CECR2: variants seen among roughly 807,000 people sequenced by gnomAD.
CECR2 encodes the protein CECR2 histone acetyl-lysine reader.
Under a neutral mutation model 154.5 loss-of-function variants are expected in CECR2, and 30 were observed. That is an observed-to-expected ratio of 0.19 (90% CI 0.15 to 0.26). CECR2 has a LOEUF of 0.26. CECR2 is among the 10% of genes least tolerant of loss of function. The probability of loss-of-function intolerance (pLI) is 1.00; values close to 1 mark genes in which losing one functional copy is unlikely to be tolerated. For synonymous variants in CECR2, 725 were observed against 683.7 expected (o/e 1.06, Z -0.94); for missense variants, 1,743 against 1,829.3 (o/e 0.95, Z 0.86).
rs5747118 is a variant in CECR2, at chr22:17,422,855, T to A, written c.126+52946T>A. ...CCATGCTTTGCTCTCTGGCACTTCT[T>A]TTCATTTTTTCTTAGAATTCCTATC... On this transcript the variant is annotated intron_variant, in intron 1 of 18. Coordinates refer to ENST00000262608, the MANE Select transcript of CECR2 (RefSeq NM_001290047.2). Among the ~76,000 whole-genome samples, 13 of 152,270 alleles carry A rather than the reference T, an allele frequency of 8.5e-5. No individual in the cohort carries two copies. The East Asian group carries it at 2.3e-3, about 27-fold the overall frequency.
At chr22:17,447,568 A>G (rs933516794) in intron 1 of CECR2, among the ~76,000 whole-genome samples, 2 of 151,972 alleles carry the variant, frequency 1.3e-5, no homozygotes, top group Non-Finnish European at 2.9e-5. Context: ...TCATTCATAA[A>G]TAGTAATTAA....
At chr22:17,487,870 GTATTTATT>G (rs112338023) in intron 2 of CECR2, among the ~76,000 whole-genome samples, 3,605 of 150,758 alleles carry the variant, frequency 0.024, 158 homozygotes, top group African/African-American at 0.084. Context: ...AATTTTTCAT[GTATTTATT>G]TATTTATTTA....
upstream of CECR2, among the ~76,000 whole-genome samples, chr22:17,367,631 C>T (rs572804333): frequency 6.6e-6 from 1 of 152,306 alleles, no homozygotes; most frequent in Admixed American, 6.5e-5. Flanking sequence ...AGGTGAACCA[C>T]CCGCCTCGGC....
At chr22:17,384,809 C>T (rs2063239888) in intron 1 of CECR2, among the ~76,000 whole-genome samples, 1 of 152,210 alleles carries the variant, frequency 6.6e-6, no homozygotes, top group African/African-American at 2.4e-5. Context: ...GCATTGACTT[C>T]TCCTCTCTAG....
intron 1 of CECR2, among the ~76,000 whole-genome samples, chr22:17,370,119 C>T (rs1434784104): frequency 4.6e-5 from 7 of 150,858 alleles, no homozygotes; most frequent in Admixed American, 4.6e-4. Flanking sequence ...GCCGGGGACG[C>T]CGGATCCTGG....
chr22:17,421,090 A>AT (rs112141868), intron 1 of CECR2, among the ~76,000 whole-genome samples: 23 of 150,914 alleles, frequency 1.5e-4, no homozygotes, highest in African/African-American at 3.2e-4. Flanking sequence ...TTAGCTAAGA[A>AT]TTTTTTTTTT....
At chr22:17,471,684 C>T (rs1040899081) in intron 1 of CECR2, among the ~76,000 whole-genome samples, 4 of 151,884 alleles carry the variant, frequency 2.6e-5, no homozygotes, top group East Asian at 1.9e-4. Flanking sequence ...TACAGGCACC[C>T]GCCACCACTC....
rs1271539271 is a variant in CECR2 at position 17,530,405 on chromosome 22, G to A, written c.1108+6134G>A. Among the ~76,000 whole-genome samples the A allele has an allele frequency of 2.6e-5, 4 of 151,982 alleles. No homozygotes were observed. The East Asian group carries it at 7.7e-4, about 29-fold the overall frequency. On this transcript the variant is annotated intron_variant, in intron 9 of 18. Coordinates refer to ENST00000262608, the MANE Select transcript of CECR2 (RefSeq NM_001290047.2). ...AAAAAAAAATAAGGCCAGGCGCGGT[G>A]GCTCACGCCTGTAATCCCAGCACTT...
chr22:17,418,539 T>C (rs1457078727), intron 1 of CECR2, among the ~76,000 whole-genome samples: 1 of 152,208 alleles, frequency 6.6e-6, no homozygotes, highest in Non-Finnish European at 1.5e-5. Context: ...GTTTCTGTTA[T>C]AATTAGCTGT....
intron 17 of CECR2, among the ~76,000 whole-genome samples, chr22:17,550,910 C>T (rs1401570062): frequency 6.6e-6 from 1 of 152,058 alleles, no homozygotes; most frequent in African/African-American, 2.4e-5. Flanking sequence ...CCACTGCACT[C>T]CAGCCTGGGC....
In CECR2 at chr22:17,542,952, C is replaced by T. The variant is rs2056554104; in HGVS notation, c.2809C>T (p.Pro937Ser). ...VSAPKPALGN[P>S]GRAPENSEAQ... ...AGCCCCCAAGCCTGCCCTGGGCAACCCTGGGAGGGCACCGGAGAACAGTGA... is the reference window on the plus strand; with the variant it reads ...AGCCCCCAAGCCTGCCCTGGGCAACTCTGGGAGGGCACCGGAGAACAGTGA... Residue 937 changes from proline (P) to serine (S), a missense_variant, in exon 16 of 19, where the codon CCT becomes TCT. Physicochemically the swap from Pro to Ser is moderately conservative, Grantham distance 74. Coordinates refer to ENST00000262608, the MANE Select transcript of CECR2 (RefSeq NM_001290047.2). 3 of 1,613,434 alleles carry T rather than the reference C, an allele frequency of 1.9e-6. No homozygotes were observed. The highest frequency in any genetic ancestry group is 3.3e-5 in the Admixed American group (2 of 59,956).
At position 17,387,720 on chromosome 22, in the gene CECR2, T is replaced by C. The variant is rs528535111; in HGVS notation, c.126+17811T>C. On this transcript the variant is annotated intron_variant, in intron 1 of 18. Transcript: ENST00000262608. ...CTGTTGACAGTGTTATATAACAGAATGCCCTTTCAATCACAGCACGCCATG... is the reference window on the plus strand; with the variant it reads ...CTGTTGACAGTGTTATATAACAGAACGCCCTTTCAATCACAGCACGCCATG... Among the ~76,000 whole-genome samples the C allele has an allele frequency of 2.6e-5, 4 of 152,358 alleles. No individual in the cohort carries two copies. In the East Asian group the frequency reaches 7.7e-4, roughly 29 times the overall value.
chr22:17,395,552 C>T (rs1211314997), intron 1 of CECR2, among the ~76,000 whole-genome samples: 1 of 152,082 alleles, frequency 6.6e-6, no homozygotes, highest in Non-Finnish European at 1.5e-5. Flanking sequence ...ACCATCTTGG[C>T]CAGGCTGGTT....
chr22:17,412,031 A>G (rs7289964), intron 1 of CECR2, among the ~76,000 whole-genome samples: 8,816 of 152,264 alleles, frequency 0.058, 395 homozygotes, highest in African/African-American at 0.12. Flanking sequence ...AAGTGTATAC[A>G]TGACTCTTTC....
At chr22:17,552,359 C>T (rs1249121690) in intron 18 of CECR2, among the ~76,000 whole-genome samples, 1 of 152,064 alleles carries the variant, frequency 6.6e-6, no homozygotes, top group Non-Finnish European at 1.5e-5. Context: ...GGAATGCATA[C>T]CTATTTGGTG....
chr22:17,533,569 A>G (rs1025619768), intron 9 of CECR2, among the ~76,000 whole-genome samples: 4 of 151,002 alleles, frequency 2.6e-5, no homozygotes, highest in African/African-American at 7.3e-5. Context: ...GGCAGAGGCT[A>G]CAGTGACCTG....
chr22:17,469,156 C>T (rs1390633674), intron 1 of CECR2, among the ~76,000 whole-genome samples: 3 of 151,936 alleles, frequency 2.0e-5, no homozygotes, highest in Non-Finnish European at 2.9e-5. Flanking sequence ...ATTCAATCAG[C>T]TCAGCATCTT....
chr22:17,471,656 C>T (rs1352602682), intron 1 of CECR2, among the ~76,000 whole-genome samples: 1 of 152,002 alleles, frequency 6.6e-6, no homozygotes, highest in Non-Finnish European at 1.5e-5. Context: ...CTGCCTCAGC[C>T]TCCCCGGTAG....
chr22:17,456,182 A>G (rs1389471288), intron 1 of CECR2, among the ~76,000 whole-genome samples: 4 of 152,194 alleles, frequency 2.6e-5, no homozygotes, highest in South Asian at 4.1e-4. Flanking sequence ...TGTACCATTG[A>G]TAAAAATACT....
Sources: allele counts gnomAD v4.1 joint callset (sites outside exome capture counted in the v4.1 genomes callset), GRCh38; gene constraint gnomAD v4.1.1; transcripts MANE v1.5; gene names NCBI Gene and HGNC (gene_info 2026-07-23, HGNC 2026-07-21).